DLGAP1: variants seen among roughly 807,000 people sequenced by gnomAD.
DLGAP1 encodes the protein DLG associated protein 1, also known as disks large-associated protein 1.
A neutral mutation model predicts 90.8 loss-of-function variants in DLGAP1; 11 were observed. The observed-to-expected ratio is 0.12, with a 90% CI of 0.08 to 0.20. DLGAP1 has a LOEUF of 0.20. Ranked by LOEUF, DLGAP1 falls within the 10% of genes least tolerant of loss-of-function variation. The pLI is 1.00. For synonymous variants in DLGAP1, 558 were observed against 540.7 expected (o/e 1.03, Z -0.44); for missense variants, 1,050 against 1,333.8 (o/e 0.79, Z 3.31).
chr18:4,383,334 C>T lies in DLGAP1; in HGVS notation c.-267+71672G>A, dbSNP rs1567877432. Among the ~76,000 whole-genome samples, 2 of 152,046 alleles carry T rather than the reference C, an allele frequency of 1.3e-5. No individual in the cohort carries two copies. The highest frequency in any genetic ancestry group is 4.8e-5 in the African/African-American group (2 of 41,408). On this transcript the variant is annotated intron_variant, in intron 1 of 12. Transcript: ENST00000315677. This position sits in a 1 kb window ranked among gnomAD's most constrained non-coding sequence, Gnocchi z 4.0. The stretch of plus-strand genomic sequence containing the variant: ...ATGAGTAAAATAATATGTACTTAAA[C>T]TCAAAATATTTAGTACATTAATGGG...
At chr18:3,891,918 T>C (rs1043937856) in intron 3 of DLGAP1, 2 of 152,074 alleles carry the variant, frequency 1.3e-5, no homozygotes, top group African/African-American at 2.4e-5. Flanking sequence ...TTTTTCATTT[T>C]TTTGTAGAGA....
intron 1 of DLGAP1, among the ~76,000 whole-genome samples, chr18:4,306,223 T>C (rs534728323): frequency 1.3e-5 from 2 of 152,204 alleles, no homozygotes; most frequent in South Asian, 2.1e-4. Context: ...AGCTTACTGG[T>C]AAGTTGATTC....
At chr18:4,364,020 T>C (rs2081695700) in intron 1 of DLGAP1, among the ~76,000 whole-genome samples, 1 of 151,496 alleles carries the variant, frequency 6.6e-6, no homozygotes, top group Non-Finnish European at 1.5e-5. Flanking sequence ...TGTCCAACAA[T>C]GATAGACTGG....
chr18:4,402,488 T>C (rs2144538151), intron 1 of DLGAP1, among the ~76,000 whole-genome samples: 1 of 152,230 alleles, frequency 6.6e-6, no homozygotes, highest in East Asian at 1.9e-4. Context: ...TCAAGAAAAC[T>C]ATGGGAAGCA....
chr18:3,822,889 T>A (rs1190073517), intron 4 of DLGAP1, among the ~76,000 whole-genome samples: 2 of 152,204 alleles, frequency 1.3e-5, no homozygotes, highest in Non-Finnish European at 2.9e-5. Flanking sequence ...AATGCACCTG[T>A]AGTCCCAGCT....
chr18:4,378,178 T>C lies in DLGAP1; in HGVS notation c.-267+76828A>G, dbSNP rs1432549768. 3.3e-5 allele frequency among the ~76,000 whole-genome samples: 5 copies of C among 150,760 alleles called. No homozygotes were observed. Among genetic ancestry groups the C allele is most frequent in the Admixed American group, 3.3e-4 (5 of 15,092 alleles). On this transcript the variant is annotated intron_variant, in intron 1 of 12. Transcript: ENST00000315677. The surrounding 1 kb of genome is among the most constrained non-coding windows in gnomAD (Gnocchi z 4.5). Reference sequence around the variant, plus strand: ...AAAAGTCTGCAAAGATACTACAAACTATGGTTATCTATACGGAAGACTACT... The same window carrying C: ...AAAAGTCTGCAAAGATACTACAAACCATGGTTATCTATACGGAAGACTACT...
intron 1 of DLGAP1, among the ~76,000 whole-genome samples, chr18:4,269,553 AC>A: frequency 6.6e-6 from 1 of 151,742 alleles, no homozygotes; most frequent in East Asian, 1.9e-4. Flanking sequence ...ACGGGGTTTC[AC>A]CGTGTTAGCC....
intron 3 of DLGAP1, among the ~76,000 whole-genome samples, chr18:3,963,203 T>A (rs552527857): frequency 1.1e-4 from 16 of 152,182 alleles, no homozygotes; most frequent in Non-Finnish European, 2.4e-4. Flanking sequence ...CAGTCCTCAC[T>A]TCAGAATACC....
At chr18:3,936,256 A>G (rs987537356) in intron 3 of DLGAP1, among the ~76,000 whole-genome samples, 2 of 152,240 alleles carry the variant, frequency 1.3e-5, no homozygotes, top group African/African-American at 4.8e-5. Context: ...CTGGGTCAAG[A>G]GTGAGCTCTG....
intron 7 of DLGAP1, among the ~76,000 whole-genome samples, chr18:3,696,981 C>T (rs567398684): frequency 2.0e-5 from 3 of 152,112 alleles, no homozygotes; most frequent in South Asian, 4.1e-4. Flanking sequence ...AGTTTATTTG[C>T]GTAGAGGTGT....
chr18:4,029,148 T>A (rs2074751967), intron 2 of DLGAP1, among the ~76,000 whole-genome samples: 1 of 152,218 alleles, frequency 6.6e-6, no homozygotes, highest in Non-Finnish European at 1.5e-5. Flanking sequence ...CTTAGCATAA[T>A]GTCCTGTGGG....
intron 1 of DLGAP1, among the ~76,000 whole-genome samples, chr18:4,364,668 T>A (rs920807518): frequency 1.3e-5 from 2 of 152,198 alleles, no homozygotes; most frequent in Admixed American, 1.3e-4. Context: ...AGTTCACCTC[T>A]GATTTTGGTT....
At chr18:4,072,253 C>T (rs768485797) in intron 2 of DLGAP1, among the ~76,000 whole-genome samples, 15 of 151,900 alleles carry the variant, frequency 9.9e-5, no homozygotes, top group African/African-American at 2.4e-4. Flanking sequence ...AAAAGACCTT[C>T]GCTGCATTTT....
At chr18:3,899,106 G>A (rs1000069797) in intron 3 of DLGAP1, among the ~76,000 whole-genome samples, 2 of 152,126 alleles carry the variant, frequency 1.3e-5, no homozygotes, top group African/African-American at 4.8e-5. Flanking sequence ...CTACACTTAT[G>A]AGCAAAGACC....
At chr18:3,753,121 A>G (rs1236878256) in intron 5 of DLGAP1, among the ~76,000 whole-genome samples, 1 of 152,218 alleles carries the variant, frequency 6.6e-6, no homozygotes, top group African/African-American at 2.4e-5. Context: ...ACATATTGGC[A>G]AAACGATTAA....
chr18:3,887,379 G>GCC (rs1357642949), intron 3 of DLGAP1, among the ~76,000 whole-genome samples: 4 of 152,220 alleles, frequency 2.6e-5, no homozygotes, highest in Admixed American at 2.6e-4. Context: ...ATTTAAACAA[G>GCC]ACAGTGGCAT....
chr18:4,161,031 CTT>C (rs5822798), intron 1 of DLGAP1, among the ~76,000 whole-genome samples: 1,402 of 138,004 alleles, frequency 0.01, 27 homozygotes, highest in African/African-American at 0.031. Flanking sequence ...TTTCCTTATG[CTT>C]TTTTTTTTTT....
chr18:4,360,069 T>G (rs1042515110), intron 1 of DLGAP1, among the ~76,000 whole-genome samples: 1 of 152,112 alleles, frequency 6.6e-6, no homozygotes, highest in African/African-American at 2.4e-5. Context: ...TTATGGAGCT[T>G]AGTAGAGAGG....
At chr18:3,990,434 T>G (rs1216460913) in intron 3 of DLGAP1, among the ~76,000 whole-genome samples, 1 of 129,122 alleles carries the variant, frequency 7.7e-6, no homozygotes, top group Non-Finnish European at 1.5e-5. Flanking sequence ...AATCGAACAA[T>G]GAGAACACAT....
Sources: allele counts gnomAD v4.1 joint callset (sites outside exome capture counted in the v4.1 genomes callset), GRCh38; gene constraint gnomAD v4.1.1; non-coding constraint Gnocchi (gnomAD v3.1); transcripts MANE v1.5; gene names NCBI Gene and HGNC (gene_info 2026-07-23, HGNC 2026-07-21).